The following REDIC1 variants were observed in gnomAD, a reference collection of about 807,000 sequenced individuals.
The protein encoded by REDIC1 is HEI10 Interacting Protein 1.
At chr12:39,855,055 C>A in the REDIC1 span, among the ~76,000 whole-genome samples, 2,431 of 152,286 alleles carry the variant, frequency 0.016, 56 homozygotes, top group African/African-American at 0.055. Flanking sequence ...CAGTAAACTA[C>A]TGGCAACAAC....
chr12:39,765,997 T>C, the REDIC1 span, among the ~76,000 whole-genome samples: 1 of 152,108 alleles, frequency 6.6e-6, no homozygotes, highest in Non-Finnish European at 1.5e-5. Context: ...CTGTGCTCCG[T>C]ATAATGCATT....
At chr12:39,686,018 G>A in the REDIC1 span, among the ~76,000 whole-genome samples, 1 of 152,226 alleles carries the variant, frequency 6.6e-6, no homozygotes, top group Non-Finnish European at 1.5e-5. Context: ...AAAAGCCTTG[G>A]GCAGCCCTGC....
chr12:39,872,053 A>C, the REDIC1 span: 2 of 1,121,894 alleles, frequency 1.8e-6, no homozygotes, highest in Non-Finnish European at 2.4e-6. Context: ...ATTTGAAAAA[A>C]ATATAAGGAG....
chr12:39,628,831 G>A, the REDIC1 span, among the ~76,000 whole-genome samples: 1 of 152,238 alleles, frequency 6.6e-6, no homozygotes, highest in South Asian at 2.1e-4. Flanking sequence ...ATTTGCTCTT[G>A]AAAATGCTAT....
At chr12:39,648,813 G>C in the REDIC1 span, among the ~76,000 whole-genome samples, 1 of 150,398 alleles carries the variant, frequency 6.6e-6, no homozygotes, top group East Asian at 1.9e-4. Context: ...ATATATTATA[G>C]CATATCAGTT....
the REDIC1 span, among the ~76,000 whole-genome samples, chr12:39,644,871 A>G: frequency 6.6e-6 from 1 of 151,986 alleles, no homozygotes; most frequent in South Asian, 2.1e-4. Context: ...TTTATGTGAC[A>G]CAAGAGCCTT....
the REDIC1 span, among the ~76,000 whole-genome samples, chr12:39,894,121 C>T: frequency 6.6e-6 from 1 of 152,204 alleles, no homozygotes; most frequent in Non-Finnish European, 1.5e-5. Flanking sequence ...TACCAGCATT[C>T]TCCTATAGTG....
At chr12:39,635,123 C>T in the REDIC1 span, among the ~76,000 whole-genome samples, 277 of 152,190 alleles carry the variant, frequency 1.8e-3, no homozygotes, top group African/African-American at 6.1e-3. Context: ...GAATGGTGAT[C>T]ATTAAAAAGT....
the REDIC1 span, among the ~76,000 whole-genome samples, chr12:39,713,331 T>TACGTGTATATATGTGTATACACAC: frequency 2.3e-5 from 3 of 131,800 alleles, no homozygotes; most frequent in Non-Finnish European, 4.9e-5. Flanking sequence ...TGTATACACA[T>TACGTGTATATATGTGTATACACAC]ATACGTGTAT....
chr12:39,766,369 T>C, the REDIC1 span, among the ~76,000 whole-genome samples: 2 of 152,094 alleles, frequency 1.3e-5, no homozygotes, highest in African/African-American at 2.4e-5. Context: ...TTCAATAACA[T>C]TGTCTAAAAA....
the REDIC1 span, among the ~76,000 whole-genome samples, chr12:39,685,462 A>G: frequency 6.6e-6 from 1 of 152,168 alleles, no homozygotes; most frequent in Non-Finnish European, 1.5e-5. Flanking sequence ...TCACAGGAGA[A>G]CAAACTCACT....
chr12:39,874,885 T>C, the REDIC1 span, among the ~76,000 whole-genome samples: 2 of 152,212 alleles, frequency 1.3e-5, no homozygotes, highest in Admixed American at 1.3e-4. Flanking sequence ...CAAATCATTA[T>C]ACTGGCAACA....
At chr12:39,897,747 C>G in the REDIC1 span, among the ~76,000 whole-genome samples, 1 of 152,058 alleles carries the variant, frequency 6.6e-6, no homozygotes, top group East Asian at 1.9e-4. Flanking sequence ...ACTTAGAAAA[C>G]AAAAAATATT....
chr12:39,844,449 T>A, the REDIC1 span, among the ~76,000 whole-genome samples: 945 of 152,216 alleles, frequency 6.2e-3, 12 homozygotes, highest in African/African-American at 0.022. Flanking sequence ...CCATACCTAG[T>A]AGCATACCCA....
chr12:39,737,336 G>T, the REDIC1 span, among the ~76,000 whole-genome samples: 3 of 152,188 alleles, frequency 2.0e-5, no homozygotes, highest in African/African-American at 7.2e-5. Context: ...ACAAACTAGT[G>T]TCTAGCATTT....
chr12:39,897,657 T>C, the REDIC1 span, among the ~76,000 whole-genome samples: 1 of 152,192 alleles, frequency 6.6e-6, no homozygotes, highest in African/African-American at 2.4e-5. Context: ...GTGAATTTTT[T>C]ATTTTATTTA....
the REDIC1 span, among the ~76,000 whole-genome samples, chr12:39,880,539 A>G: frequency 6.6e-6 from 1 of 152,234 alleles, no homozygotes; most frequent in Admixed American, 6.5e-5. Flanking sequence ...CTACCATTAA[A>G]TCAAGCAATG....
the REDIC1 span, among the ~76,000 whole-genome samples, chr12:39,766,024 A>G: frequency 4.6e-5 from 7 of 152,178 alleles, no homozygotes; most frequent in African/African-American, 1.7e-4. Flanking sequence ...ATAGTTCCTT[A>G]TTTAATCTCC....
chr12:39,873,415 T>A, the REDIC1 span, among the ~76,000 whole-genome samples: 1 of 152,196 alleles, frequency 6.6e-6, no homozygotes, highest in Non-Finnish European at 1.5e-5. Flanking sequence ...ATATACATTT[T>A]CATAAAGACC....
Sources: gnomAD v4.1 joint callset for allele counts (sites outside exome capture counted in the v4.1 genomes callset) on GRCh38, gnomAD v4.1.1 for gene constraint, MANE v1.5 for transcripts, NCBI Gene and HGNC (gene_info 2026-07-23, HGNC 2026-07-21) for gene names.